PCNX2: variants seen among roughly 807,000 people sequenced by gnomAD.
PCNX2 encodes the protein pecanex-like protein 2.
In PCNX2, 168 loss-of-function variants were observed where a neutral mutation model predicts 223.8. The observed-to-expected ratio is 0.75, with a 90% CI of 0.66 to 0.85. The LOEUF is 0.85. Ranked by LOEUF, PCNX2 falls within the 40% of genes least tolerant of loss-of-function variation. PCNX2 has a pLI of 0.00. For missense variants in PCNX2, 2,507 were observed against 2,675.5 expected (o/e 0.94, Z 1.39); for synonymous variants, 1,006 against 1,052.6 (o/e 0.96, Z 0.86).
At chr1:233,017,455 C>T (rs1367821492) in intron 26 of PCNX2, among the ~76,000 whole-genome samples, 2 of 151,544 alleles carry the variant, frequency 1.3e-5, no homozygotes, top group South Asian at 2.1e-4. Flanking sequence ...GTAGCTGGGA[C>T]TACAGGCGCC....
chr1:233,242,227 G>A (rs1043498519), intron 8 of PCNX2, among the ~76,000 whole-genome samples: 2 of 151,942 alleles, frequency 1.3e-5, no homozygotes, highest in African/African-American at 2.4e-5. Context: ...TCTTTGCTAC[G>A]ATAATTCAAA....
intron 23 of PCNX2, among the ~76,000 whole-genome samples, chr1:233,064,646 T>C (rs1376717514): frequency 1.3e-5 from 2 of 152,198 alleles, no homozygotes; most frequent in East Asian, 1.9e-4. Flanking sequence ...CAGGCAGTGA[T>C]AGTGGGTTTT....
rs551368941 is a variant in PCNX2 at position 233,129,158 on chromosome 1, C to G, written c.3837+5855G>C. 2.6e-5 allele frequency among the ~76,000 whole-genome samples: 4 copies of G among 152,230 alleles called. No homozygotes were observed. The East Asian group carries it at 5.8e-4, about 22-fold the overall frequency. On this transcript the variant is annotated intron_variant, in intron 21 of 33. Transcript: ENST00000258229. ...GGGCGGGAACCTGGGCTGTGCGTGG[C>G]GCTTGTGGGCCAGCTAGAGTTCCGG...
intron 21 of PCNX2, among the ~76,000 whole-genome samples, chr1:233,114,453 G>T (rs2102981844): frequency 6.6e-6 from 1 of 152,326 alleles, no homozygotes; most frequent in South Asian, 2.1e-4. Flanking sequence ...CCAGTGTCAT[G>T]GGTTTGCCTT....
chr1:233,223,308 G>C (rs1376661814), intron 10 of PCNX2, among the ~76,000 whole-genome samples: 1 of 152,260 alleles, frequency 6.6e-6, no homozygotes, highest in Admixed American at 6.5e-5. Flanking sequence ...TTTTGAGGTT[G>C]GGGGAGCCTG....
upstream of PCNX2, among the ~76,000 whole-genome samples, chr1:233,295,884 T>C (rs188041602): frequency 1.4e-4 from 22 of 151,942 alleles, no homozygotes; most frequent in East Asian, 3.5e-3. This position sits in a 1 kb window ranked among gnomAD's most constrained non-coding sequence, Gnocchi z 4.1. Context: ...TTTTCTCTCT[T>C]TCTTTCTCTC....
chr1:233,167,457 T>A (rs182790018), intron 17 of PCNX2, among the ~76,000 whole-genome samples: 2 of 152,078 alleles, frequency 1.3e-5, no homozygotes, highest in African/African-American at 4.8e-5. Flanking sequence ...AAGTAGCAGA[T>A]ATGTAGGATA....
At chr1:233,219,992 T>C (rs1292173892) in intron 10 of PCNX2, among the ~76,000 whole-genome samples, 1 of 152,180 alleles carries the variant, frequency 6.6e-6, no homozygotes, top group Non-Finnish European at 1.5e-5. Context: ...ATTGTCTCCA[T>C]AGTTCTGTCT....
chr1:233,129,492 C>G (rs192950341), intron 21 of PCNX2, among the ~76,000 whole-genome samples: 1 of 152,360 alleles, frequency 6.6e-6, no homozygotes, highest in Non-Finnish European at 1.5e-5. Context: ...CGCCCAAGGG[C>G]TGAAGAGTGT....
At position 232,992,476 on chromosome 1, in the gene PCNX2, G is replaced by A. The variant is rs116884011; in HGVS notation, c.5791+5775C>T. On this transcript the variant is annotated intron_variant, in intron 32 of 33. Coordinates refer to ENST00000258229, the MANE Select transcript of PCNX2 (RefSeq NM_014801.4). ...CAGATGGAGGGCAGGAGGCAAGGGCGGCACACTCAGTGTTCAGTAATGCTT... is the reference window on the plus strand; with the variant it reads ...CAGATGGAGGGCAGGAGGCAAGGGCAGCACACTCAGTGTTCAGTAATGCTT... Among the ~76,000 whole-genome samples the A allele has an allele frequency of 4.6e-4, 70 of 152,280 alleles. No homozygotes were observed. The East Asian group carries it at 6.9e-3, about 15-fold the overall frequency.
At chr1:233,162,382 G>A (rs1017456370) in intron 17 of PCNX2, among the ~76,000 whole-genome samples, 1 of 152,088 alleles carries the variant, frequency 6.6e-6, no homozygotes, top group African/African-American at 2.4e-5. Context: ...CATATCGAAG[G>A]GATTTATGCC....
intron 15 of PCNX2, among the ~76,000 whole-genome samples, chr1:233,187,206 T>A (rs190222364): frequency 6.7e-6 from 1 of 150,346 alleles, no homozygotes; most frequent in East Asian, 2.1e-4. Flanking sequence ...AAGGTAAAAG[T>A]ATTGCCCATT....
At chr1:233,290,227 A>G (rs1661686323) in intron 1 of PCNX2, among the ~76,000 whole-genome samples, 3 of 152,234 alleles carry the variant, frequency 2.0e-5, no homozygotes, top group Admixed American at 2.0e-4. Flanking sequence ...CCAGAGCTCC[A>G]TGGCAACTTT....
intron 33 of PCNX2, chr1:232,985,772 G>C: frequency 1.7e-6 from 1 of 589,314 alleles, no homozygotes; most frequent in Non-Finnish European, 3.0e-6. Context: ...TGTGTGAATG[G>C]GTGGAGGGCA....
At chr1:233,064,377 A>G (rs868813481) in intron 23 of PCNX2, among the ~76,000 whole-genome samples, 16 of 152,200 alleles carry the variant, frequency 1.1e-4, no homozygotes, top group African/African-American at 3.9e-4. Flanking sequence ...AGTATTGTCC[A>G]TTCACAATGG....
At chr1:233,128,854 C>G (rs145066644) in intron 21 of PCNX2, among the ~76,000 whole-genome samples, 1 of 152,178 alleles carries the variant, frequency 6.6e-6, no homozygotes, top group Non-Finnish European at 1.5e-5. Context: ...GGGAAGGGAT[C>G]GAGGAAATGA....
chr1:233,311,431 G>A, the PCNX2 span, among the ~76,000 whole-genome samples: 1 of 152,184 alleles, frequency 6.6e-6, no homozygotes, highest in African/African-American at 2.4e-5. Flanking sequence ...TCCAGAGCGG[G>A]GAGAAATGTT....
At position 233,165,443 on chromosome 1, in the gene PCNX2, C is replaced by T. The variant is rs561213407; in HGVS notation, c.3274-4080G>A. On this transcript the variant is annotated intron_variant, in intron 17 of 33. Transcript: ENST00000258229. ...CATCCTACAATGCACAAGACAGCAC[C>T]CCCAACCTCCACTTCCCTGCAACCA... 5.9e-5 allele frequency among the ~76,000 whole-genome samples: 9 copies of T among 152,170 alleles called. No homozygotes were observed. In the South Asian group the frequency reaches 1.7e-3, roughly 28 times the overall value.
intron 21 of PCNX2, among the ~76,000 whole-genome samples, chr1:233,113,465 C>T (rs1675230336): frequency 6.6e-6 from 1 of 152,208 alleles, no homozygotes; most frequent in Non-Finnish European, 1.5e-5. Context: ...TAAAACGCCA[C>T]CCAACCCCTG....
Sources: gnomAD v4.1 joint callset for allele counts (sites outside exome capture counted in the v4.1 genomes callset) on GRCh38, gnomAD v4.1.1 for gene constraint, Gnocchi (gnomAD v3.1) non-coding constraint, MANE v1.5 for transcripts, NCBI Gene and HGNC (gene_info 2026-07-23, HGNC 2026-07-21) for gene names.